ST6GALNAC3: variants seen among roughly 807,000 people sequenced by gnomAD.
ST6GALNAC3 encodes ST6 N-acetylgalactosaminide alpha-2,6-sialyltransferase 3.
A neutral mutation model predicts 32.7 loss-of-function variants in ST6GALNAC3; 25 were observed. The observed-to-expected ratio is 0.76, with a 90% confidence interval of 0.56 to 1.07. The LOEUF (loss-of-function observed/expected upper bound fraction) is 1.07. ST6GALNAC3 is among the 50% of genes least tolerant of loss of function. The probability of loss-of-function intolerance (pLI) is 0.00; values close to 1 mark genes in which losing one functional copy is unlikely to be tolerated. For synonymous variants in ST6GALNAC3, 129 were observed against 133.1 expected, an observed-to-expected ratio of 0.97 and a Z score of 0.21; for missense variants, 355 against 382.4, an observed-to-expected ratio of 0.93 and a Z score of 0.60.
At chr1:76,486,793 G>A (rs905142125) in intron 3 of ST6GALNAC3, among the ~76,000 whole-genome samples, 7 of 152,214 alleles carry the variant, frequency 4.6e-5, no homozygotes, top group East Asian at 1.9e-4. Flanking sequence ...TATTTTGCTC[G>A]TTAGTTGATG....
intron 1 of ST6GALNAC3, among the ~76,000 whole-genome samples, chr1:76,092,244 GT>G (rs1352504457): frequency 6.6e-6 from 1 of 152,168 alleles, no homozygotes; most frequent in East Asian, 1.9e-4. Context: ...GAGATACTTT[GT>G]TTTGCCTAAT....
chr1:76,216,108 C>T (rs1448274004), intron 1 of ST6GALNAC3, among the ~76,000 whole-genome samples: 2 of 152,192 alleles, frequency 1.3e-5, no homozygotes. Context: ...CATGCACCAT[C>T]TCAGGGTCTT....
chr1:76,230,130 AC>A (rs1300645374), intron 1 of ST6GALNAC3, among the ~76,000 whole-genome samples: 7 of 152,208 alleles, frequency 4.6e-5, no homozygotes, highest in Non-Finnish European at 1.0e-4. Flanking sequence ...GGAGTGAAAA[AC>A]AAAGCCAAAT....
intron 2 of ST6GALNAC3, among the ~76,000 whole-genome samples, chr1:76,315,975 TG>T (rs1293459072): frequency 1.3e-5 from 2 of 152,076 alleles, no homozygotes; most frequent in Non-Finnish European, 2.9e-5. Context: ...ATCCTGGACT[TG>T]GGGGAATAAA....
chr1:76,486,801 A>C (rs1223838684), intron 3 of ST6GALNAC3, among the ~76,000 whole-genome samples: 1 of 152,088 alleles, frequency 6.6e-6, no homozygotes, highest in Non-Finnish European at 1.5e-5. Context: ...TCGTTAGTTG[A>C]TGCAGTTTCT....
intron 3 of ST6GALNAC3, among the ~76,000 whole-genome samples, chr1:76,511,501 G>C (rs1240838059): frequency 2.6e-5 from 4 of 152,136 alleles, no homozygotes; most frequent in Admixed American, 1.3e-4. Flanking sequence ...CTCCCACAGT[G>C]ACCTGAGCAC....
intron 3 of ST6GALNAC3, among the ~76,000 whole-genome samples, chr1:76,556,009 T>C (rs1256715020): frequency 3.3e-5 from 5 of 152,112 alleles, no homozygotes; most frequent in Admixed American, 3.3e-4. Flanking sequence ...AAGGGAACTA[T>C]ACCCATTAGC....
chr1:76,126,415 C>CTG lies in ST6GALNAC3; in HGVS notation c.18+51531_18+51532insTG, dbSNP rs1318184719. On this transcript the variant is annotated intron_variant, in intron 1 of 4. Coordinates refer to ENST00000328299, the MANE Select transcript of ST6GALNAC3 (RefSeq NM_152996.4). ...TTTCTTTCTTTTCCCTCCCTCCCTC[C>CTG]CTCCTGCCTTTCCTTCCTTCCTTCC... 7.8e-3 allele frequency among the ~76,000 whole-genome samples: 1,184 copies of CTG among 151,290 alleles called. 13 individuals carry two copies. The highest frequency in any genetic ancestry group is 0.027 in the African/African-American group (1,121 of 41,074).
intron 2 of ST6GALNAC3, among the ~76,000 whole-genome samples, chr1:76,342,562 T>G (rs1648137458): frequency 6.6e-6 from 1 of 151,922 alleles, no homozygotes; most frequent in Non-Finnish European, 1.5e-5. Flanking sequence ...GTTTTTTTTT[T>G]CTTGTAAATT....
intron 1 of ST6GALNAC3, among the ~76,000 whole-genome samples, chr1:76,295,382 G>A (rs1313550846): frequency 6.6e-6 from 1 of 152,026 alleles, no homozygotes; most frequent in Non-Finnish European, 1.5e-5. Context: ...TATTGCATTT[G>A]GTAAAAGGCA....
chr1:76,528,950 C>G (rs1451428903), intron 3 of ST6GALNAC3, among the ~76,000 whole-genome samples: 1 of 150,388 alleles, frequency 6.6e-6, no homozygotes, highest in African/African-American at 2.4e-5. Context: ...CAGTGGGAAA[C>G]AGGACTTGGA....
intron 2 of ST6GALNAC3, among the ~76,000 whole-genome samples, chr1:76,322,287 G>A (rs757510153): frequency 6.6e-6 from 1 of 152,114 alleles, no homozygotes; most frequent in Non-Finnish European, 1.5e-5. Flanking sequence ...TCATCAAATG[G>A]CAATTGGTAT....
chr1:76,135,343 A>G (rs984977275), intron 1 of ST6GALNAC3, among the ~76,000 whole-genome samples: 1 of 152,200 alleles, frequency 6.6e-6, no homozygotes, highest in African/African-American at 2.4e-5. Flanking sequence ...GTATGTAAGT[A>G]TGTTCCATGT....
At chr1:76,482,965 A>G (rs567561204) in intron 3 of ST6GALNAC3, among the ~76,000 whole-genome samples, 1 of 145,938 alleles carries the variant, frequency 6.9e-6, no homozygotes, top group South Asian at 2.2e-4. Flanking sequence ...TATGAGTGAG[A>G]ACATGTGGTG....
chr1:76,266,014 AC>A (rs1658505423), intron 1 of ST6GALNAC3, among the ~76,000 whole-genome samples: 1 of 152,232 alleles, frequency 6.6e-6, no homozygotes, highest in African/African-American at 2.4e-5. Flanking sequence ...GCTGTATAAC[AC>A]ATTCTTCATA....
intron 1 of ST6GALNAC3, among the ~76,000 whole-genome samples, chr1:76,174,983 A>G (rs1223871580): frequency 2.6e-5 from 4 of 152,142 alleles, no homozygotes; most frequent in Non-Finnish European, 5.9e-5. Flanking sequence ...AATATGTTCT[A>G]TAATACGCTA....
chr1:76,085,142 G>T (rs919677891), intron 1 of ST6GALNAC3, among the ~76,000 whole-genome samples: 3 of 152,116 alleles, frequency 2.0e-5, no homozygotes, highest in Non-Finnish European at 4.4e-5. Flanking sequence ...AGGTGAAAAT[G>T]ATATGAAATT....
At chr1:76,520,865 A>T (rs899164178) in intron 3 of ST6GALNAC3, among the ~76,000 whole-genome samples, 12 of 152,170 alleles carry the variant, frequency 7.9e-5, no homozygotes, top group African/African-American at 2.7e-4. Context: ...TATAAATTTT[A>T]AAAATTAGCT....
In ST6GALNAC3 at chr1:76,613,216, T is replaced by G. The variant is rs554313124; in HGVS notation, c.624-14236T>G. Among the ~76,000 whole-genome samples the G allele has an allele frequency of 3.3e-5, 5 of 152,294 alleles. No individual in the cohort carries two copies. The East Asian group carries it at 9.6e-4, about 29-fold the overall frequency. ...AATTTAGTTAAATTGATATTTCCCC[T>G]CGTGATTTCAGGGATTAAACAGTAA... On this transcript the variant is annotated intron_variant, in intron 3 of 4. Transcript: ENST00000328299.
Sources: gnomAD v4.1 joint callset for allele counts (sites outside exome capture counted in the v4.1 genomes callset) on GRCh38, gnomAD v4.1.1 for gene constraint, MANE v1.5 for transcripts, NCBI Gene and HGNC (gene_info 2026-07-23, HGNC 2026-07-21) for gene names.